Variants in APP observed in about 807,000 individuals in gnomAD.
APP encodes amyloid-beta precursor protein.
In APP, 31 loss-of-function variants were observed where a neutral mutation model predicts 101.4. That is an observed-to-expected ratio of 0.31 (90% CI 0.23 to 0.41). APP has a LOEUF of 0.41. Ranked by LOEUF, APP falls within the 10% of genes least tolerant of loss-of-function variation. The pLI is 1.00. For missense variants in APP, 839 were observed against 1,003.7 expected (o/e 0.84, Z 2.22); for synonymous variants, 366 against 364.4 (o/e 1.00, Z -0.05).
intron 6 of APP, among the ~76,000 whole-genome samples, chr21:26,011,097 C>G (rs903946489): frequency 6.6e-6 from 1 of 151,714 alleles, no homozygotes. Flanking sequence ...ATTTTTGAGA[C>G]GGCATCTCAG....
Position 26,090,070 on chromosome 21 carries a change from G to T in APP, c.228C>A (p.Val76=). The T allele has an allele frequency of 6.2e-7, 1 of 1,614,100 alleles. No individual in the cohort carries two copies. Among genetic ancestry groups the T allele is most frequent in the South Asian group, 1.1e-5 (1 of 91,070 alleles). ...CATTGGTGATCTGCAGTTCAGGGTA[G>T]ACCTGGGAGAGCACACAAAAAGAAT... ...KEGILQYCQE[V]YPELQITNVV... Residue 76 remains valine (V), a splice_region_variant and synonymous_variant, in exon 3 of 18, where the codon GTC becomes GTA. Coordinates refer to ENST00000346798, the MANE Select transcript of APP (RefSeq NM_000484.4).
At position 26,057,747 on chromosome 21, in the gene APP, A is replaced by T. The variant is rs111279006; in HGVS notation, c.356-4399T>A. Among the ~76,000 whole-genome samples the T allele has an allele frequency of 2.0e-3, 299 of 152,276 alleles. 3 individuals carry two copies. Among genetic ancestry groups the T allele is most frequent in the African/African-American group, 6.7e-3 (277 of 41,550 alleles). ...CAACTGGCAGAAGAACTAGACTGAA[A>T]ATCCAGGTCTCCAGTTCTCCATCCA... On this transcript the variant is annotated intron_variant, in intron 3 of 17. Coordinates refer to ENST00000346798, the MANE Select transcript of APP (RefSeq NM_000484.4).
At chr21:26,081,756 T>C (rs1431051619) in intron 3 of APP, among the ~76,000 whole-genome samples, 1 of 152,340 alleles carries the variant, frequency 6.6e-6, no homozygotes, top group South Asian at 2.1e-4. Context: ...TTCTCCTTAA[T>C]GCTCATTACC....
intron 17 of APP, among the ~76,000 whole-genome samples, chr21:25,890,015 A>G (rs1308917833): frequency 6.6e-6 from 1 of 152,252 alleles, no homozygotes; most frequent in Non-Finnish European, 1.5e-5. Context: ...CAGAAATGAA[A>G]TAAGCTGATA....
chr21:26,092,301 G>T (rs769501269), intron 2 of APP, among the ~76,000 whole-genome samples: 3 of 152,096 alleles, frequency 2.0e-5, no homozygotes, highest in Non-Finnish European at 2.9e-5. Flanking sequence ...TAACACTGTG[G>T]GGTACACACC....
rs575419388 is a variant in APP, at chr21:26,125,612, T to C, written c.58-13466A>G. On this transcript the variant is annotated intron_variant, in intron 1 of 17. Transcript: ENST00000346798. ...AGGGGGTGAGTCTAGAGTGCTTTCA[T>C]GGCCAAGGTCAACAGGCATTATTAG... Among the ~76,000 whole-genome samples, 5 of 151,278 alleles carry C rather than the reference T, an allele frequency of 3.3e-5. No homozygotes were observed. The South Asian group carries it at 1.0e-3, about 32-fold the overall frequency.
Position 26,170,704 on chromosome 21 carries a change from C to A in APP, c.-84G>T. On this transcript the variant is annotated 5_prime_UTR_variant, in exon 1 of 18. Transcript: ENST00000346798. ...TGCTCTGCCCGCGCCGCCACCGCCG[C>A]CGTCTCCCGGGGCCCCCGCGCACGC... The A allele has an allele frequency of 1.4e-6, 2 of 1,389,730 alleles. No individual in the cohort carries two copies. The highest frequency in any genetic ancestry group is 1.9e-6 in the Non-Finnish European group (2 of 1,062,420). The allele number at this position is 1,389,730 out of a possible 1,614,324, so 86.1% of individuals were successfully genotyped here.
intron 6 of APP, among the ~76,000 whole-genome samples, chr21:26,004,810 C>T (rs1457238977): frequency 6.8e-6 from 1 of 147,332 alleles, no homozygotes; most frequent in African/African-American, 2.5e-5. Flanking sequence ...CAACCCCCCA[C>T]CCCCCCAACA....
chr21:25,951,470 T>C (rs1214204576), intron 13 of APP, among the ~76,000 whole-genome samples: 4 of 152,226 alleles, frequency 2.6e-5, no homozygotes, highest in African/African-American at 9.6e-5. Flanking sequence ...TTGCTTGTAT[T>C]TATAAGCACA....
intron 13 of APP, among the ~76,000 whole-genome samples, chr21:25,933,076 G>A (rs1476748761): frequency 6.6e-6 from 1 of 151,962 alleles, no homozygotes; most frequent in South Asian, 2.1e-4. Flanking sequence ...CAGTATAATG[G>A]GATATCCATC....
chr21:25,893,094 T>A (rs929295546), intron 16 of APP, among the ~76,000 whole-genome samples: 3 of 152,204 alleles, frequency 2.0e-5, no homozygotes, highest in Admixed American at 6.5e-5. Context: ...AAAATTATTA[T>A]ATCTGTTTGG....
chr21:25,977,808 T>C (rs1481538751), intron 9 of APP, among the ~76,000 whole-genome samples: 1 of 152,232 alleles, frequency 6.6e-6, no homozygotes, highest in Non-Finnish European at 1.5e-5. Flanking sequence ...CCATCTGCTT[T>C]GGTGCTTCTA....
intron 2 of APP, among the ~76,000 whole-genome samples, chr21:26,103,557 T>C (rs1362361729): frequency 6.6e-6 from 1 of 151,804 alleles, no homozygotes; most frequent in African/African-American, 2.4e-5. Flanking sequence ...GTTGACATCA[T>C]GCCACTGCAC....
Position 25,905,154 on chromosome 21 carries a change from C to T in APP, c.1910-77G>A, listed in dbSNP as rs1487176099. 10 of 1,263,640 alleles carry T rather than the reference C, an allele frequency of 7.9e-6. No homozygotes were observed. In the East Asian group the frequency reaches 1.9e-4, roughly 24 times the overall value. 78.3% of individuals were successfully genotyped at this position (1,263,640 alleles called of 1,614,324 possible). ...GTAAGTCGTGGCTCCCAAACATAGTCGAGCAGGGAAAAAAGCATATGCAAT... is the reference window on the plus strand; with the variant it reads ...GTAAGTCGTGGCTCCCAAACATAGTTGAGCAGGGAAAAAAGCATATGCAAT... On this transcript the variant is annotated intron_variant, in intron 14 of 17. Transcript: ENST00000346798.
At chr21:26,091,156 A>C (rs537875984) in intron 2 of APP, among the ~76,000 whole-genome samples, 69 of 152,368 alleles carry the variant, frequency 4.5e-4, no homozygotes, top group African/African-American at 1.5e-3. Flanking sequence ...ATAACAACGA[A>C]TAGAGAAGTG....
chr21:26,022,110 C>A (rs1453643909), intron 5 of APP, 68 bp from the exon 6 acceptor site: 2 of 1,567,332 alleles, frequency 1.3e-6, no homozygotes, highest in Admixed American at 1.7e-5. Flanking sequence ...AAAGAAAAGT[C>A]GTCCATATGG....
At chr21:26,116,224 T>TA (rs1247088552) in intron 1 of APP, among the ~76,000 whole-genome samples, 1 of 152,110 alleles carries the variant, frequency 6.6e-6, no homozygotes, top group African/African-American at 2.4e-5. Context: ...GAGACGTACA[T>TA]ATCAAACTTA....
intron 8 of APP, among the ~76,000 whole-genome samples, chr21:25,992,947 A>G (rs191218981): frequency 3.3e-5 from 5 of 152,342 alleles, no homozygotes; most frequent in Non-Finnish European, 7.3e-5. Flanking sequence ...GATTAAGAAC[A>G]ATAGTTCAAA....
intron 8 of APP, among the ~76,000 whole-genome samples, chr21:25,993,576 T>C (rs2042949349): frequency 6.6e-6 from 1 of 152,220 alleles, no homozygotes; most frequent in African/African-American, 2.4e-5. Flanking sequence ...TTGCAAATAT[T>C]GAGAGCTTGG....
Sources: gnomAD v4.1 joint callset for allele counts (sites outside exome capture counted in the v4.1 genomes callset) on GRCh38, gnomAD v4.1.1 for gene constraint, MANE v1.5 for transcripts, NCBI Gene and HGNC (gene_info 2026-07-23, HGNC 2026-07-21) for gene names.